The following SNTG1 variants were observed in gnomAD, a reference collection of about 807,000 sequenced individuals.
SNTG1 encodes gamma-1-syntrophin.
SNTG1 carries 39 observed loss-of-function variants against 74.7 expected under a neutral mutation model. That is an observed-to-expected ratio of 0.52 (90% CI 0.40 to 0.68). SNTG1 has a LOEUF of 0.68. SNTG1 is among the 30% of genes least tolerant of loss of function. The probability of loss-of-function intolerance (pLI) is 0.00; values close to 1 mark genes in which losing one functional copy is unlikely to be tolerated. For synonymous variants in SNTG1, 254 were observed against 217.1 expected (o/e 1.17, Z -1.49); for missense variants, 685 against 609.5 (o/e 1.12, Z -1.30).
intron 1 of SNTG1, among the ~76,000 whole-genome samples, chr8:49,957,381 T>C (rs1399555818): frequency 6.6e-6 from 1 of 152,250 alleles, no homozygotes; most frequent in Non-Finnish European, 1.5e-5. Context: ...TCTAAATGTA[T>C]TATTAACTAC....
At chr8:50,630,341 A>G (rs923855743) in intron 13 of SNTG1, among the ~76,000 whole-genome samples, 4 of 152,214 alleles carry the variant, frequency 2.6e-5, no homozygotes, top group African/African-American at 7.2e-5. Flanking sequence ...TGCAGCAATC[A>G]TATGCCTTGA....
chr8:50,137,836 G>A (rs947927117), intron 1 of SNTG1, among the ~76,000 whole-genome samples: 5 of 152,140 alleles, frequency 3.3e-5, no homozygotes, highest in African/African-American at 9.7e-5. Flanking sequence ...CGACTGTCCA[G>A]AGATGCAGCA....
chr8:50,748,249 T>C (rs1253546500), intron 17 of SNTG1, among the ~76,000 whole-genome samples: 1 of 152,038 alleles, frequency 6.6e-6, no homozygotes, highest in African/African-American at 2.4e-5. Context: ...CATTTACCCT[T>C]AAATGTATTT....
chr8:50,638,236 T>C (rs2095051228), intron 13 of SNTG1, among the ~76,000 whole-genome samples: 1 of 152,092 alleles, frequency 6.6e-6, no homozygotes, highest in Non-Finnish European at 1.5e-5. Context: ...ATCTTGACTT[T>C]AGCTCAGTAG....
At chr8:50,649,683 C>G (rs2095132511) in intron 13 of SNTG1, among the ~76,000 whole-genome samples, 1 of 152,154 alleles carries the variant, frequency 6.6e-6, no homozygotes, top group African/African-American at 2.4e-5. Flanking sequence ...AATACTTTCT[C>G]TAAGTTGAAT....
Position 50,462,778 on chromosome 8 carries a change from G to A in SNTG1, c.363+12049G>A, listed in dbSNP as rs142531177. ...TTCATGACGTGGCAGCAACTCAGTC[G>A]CATCTTCAGGTTCTACTCTTTTTTT... On this transcript the variant is annotated intron_variant, in intron 8 of 18. Coordinates refer to ENST00000642720, the MANE Select transcript of SNTG1 (RefSeq NM_018967.5). 9.6e-4 allele frequency among the ~76,000 whole-genome samples: 122 copies of A among 127,746 alleles called. 1 individual carries two copies. Among genetic ancestry groups the A allele is most frequent in the African/African-American group, 3.3e-3 (112 of 33,556 alleles). 83.8% of individuals were successfully genotyped at this position (127,746 alleles called of 152,430 possible). A position where few individuals can be genotyped will look rare whatever the true frequency, so the allele number is the denominator to read the frequency against.
chr8:49,940,249 G>A (rs755771120), intron 1 of SNTG1, among the ~76,000 whole-genome samples: 22 of 152,292 alleles, frequency 1.4e-4, no homozygotes, highest in Middle Eastern at 3.4e-3. Context: ...ATTGAGCAGG[G>A]ATGTGCAAAA....
At chr8:50,641,494 CT>C (rs1213451565) in intron 13 of SNTG1, among the ~76,000 whole-genome samples, 2 of 152,162 alleles carry the variant, frequency 1.3e-5, no homozygotes, top group Non-Finnish European at 2.9e-5. Flanking sequence ...CTCCCTAATC[CT>C]TTTAATGACC....
chr8:50,036,609 A>T (rs772421421), intron 1 of SNTG1, among the ~76,000 whole-genome samples: 7 of 152,228 alleles, frequency 4.6e-5, no homozygotes, highest in Non-Finnish European at 8.8e-5. Context: ...TTGTTAAGGC[A>T]TTCCCAGCTC....
At chr8:49,930,053 T>G (rs571807490) in intron 1 of SNTG1, among the ~76,000 whole-genome samples, 13 of 152,118 alleles carry the variant, frequency 8.5e-5, no homozygotes, top group African/African-American at 2.9e-4. Context: ...AGTAATAATT[T>G]AATTGTTAGA....
intron 17 of SNTG1, among the ~76,000 whole-genome samples, chr8:50,740,043 A>G (rs1269658569): frequency 1.3e-5 from 2 of 152,114 alleles, no homozygotes; most frequent in Non-Finnish European, 2.9e-5. Context: ...AGGCAATACC[A>G]TTCTAGACAT....
intron 1 of SNTG1, among the ~76,000 whole-genome samples, chr8:50,028,507 A>G (rs1283494274): frequency 6.6e-6 from 1 of 150,926 alleles, no homozygotes; most frequent in Admixed American, 6.6e-5. Context: ...TGGCCGTTGC[A>G]GGTGTATCTT....
At chr8:50,403,377 C>T (rs990700345) in intron 4 of SNTG1, among the ~76,000 whole-genome samples, 25 of 152,164 alleles carry the variant, frequency 1.6e-4, no homozygotes, top group Non-Finnish European at 8.8e-5. Context: ...GTTAACTATT[C>T]TTTTGTCACA....
chr8:50,438,971 TAGTA>T (rs1364509757), intron 5 of SNTG1, among the ~76,000 whole-genome samples: 4 of 152,120 alleles, frequency 2.6e-5, no homozygotes, highest in African/African-American at 9.7e-5. Context: ...TAAAGCCCAA[TAGTA>T]AGTGAGATAT....
intron 2 of SNTG1, among the ~76,000 whole-genome samples, chr8:50,177,177 A>G (rs1029716696): frequency 6.6e-6 from 1 of 152,226 alleles, no homozygotes; most frequent in African/African-American, 2.4e-5. Flanking sequence ...TGCTTATAGT[A>G]TCAAAGCTGC....
At chr8:50,541,006 T>C (rs1345515066) in intron 11 of SNTG1, among the ~76,000 whole-genome samples, 1 of 152,100 alleles carries the variant, frequency 6.6e-6, no homozygotes, top group African/African-American at 2.4e-5. Flanking sequence ...ATTAGTCTAG[T>C]TACCTTTAAT....
In SNTG1 at chr8:50,041,368, T is replaced by A. The variant is rs192715903; in HGVS notation, c.-103+129137T>A. Among the ~76,000 whole-genome samples, 537 of 152,288 alleles carry A rather than the reference T, an allele frequency of 3.5e-3. 4 individuals carry two copies. The highest frequency in any genetic ancestry group is 0.012 in the African/African-American group (518 of 41,546). ...GATGAGTTTTTGAAATTTTTCATAA[T>A]AAAACATATTTAATAAATTAACTAA... is the stretch of plus-strand genomic sequence containing the variant. On this transcript the variant is annotated intron_variant, in intron 1 of 18. Coordinates refer to ENST00000642720, the MANE Select transcript of SNTG1 (RefSeq NM_018967.5).
At chr8:50,469,864 A>C (rs2093638187) in intron 8 of SNTG1, among the ~76,000 whole-genome samples, 1 of 152,170 alleles carries the variant, frequency 6.6e-6, no homozygotes, top group African/African-American at 2.4e-5. Context: ...CTATAATCCC[A>C]GCTACTCGGG....
intron 12 of SNTG1, among the ~76,000 whole-genome samples, chr8:50,589,471 G>T (rs2094677376): frequency 6.6e-6 from 1 of 150,902 alleles, no homozygotes; most frequent in Non-Finnish European, 1.5e-5. Flanking sequence ...CCCGTGTTTT[G>T]CTCAACCACT....
Sources: allele counts gnomAD v4.1 joint callset (sites outside exome capture counted in the v4.1 genomes callset), GRCh38; gene constraint gnomAD v4.1.1; transcripts MANE v1.5; gene names NCBI Gene and HGNC (gene_info 2026-07-23, HGNC 2026-07-21).